Variants in DACH2 observed in about 807,000 individuals in gnomAD.
DACH2 encodes dachshund family transcription factor 2.
In DACH2, 17 loss-of-function variants were observed where a neutral mutation model predicts 35.8. The ratio of observed to expected loss-of-function variants is 0.48; its 90% CI spans 0.33 to 0.71. DACH2 has a LOEUF of 0.71. Among genes scored for constraint, DACH2 ranks in the 30% least tolerant of loss-of-function variants. DACH2 has a pLI of 0.02. For synonymous variants in DACH2, 195 were observed against 177.3 expected, an observed-to-expected ratio of 1.10 and a Z score of -0.79; for missense variants, 469 against 472.7, an observed-to-expected ratio of 0.99 and a Z score of 0.07.
At chrX:86,329,683 A>T (rs190483396) in intron 1 of DACH2, among the ~76,000 whole-genome samples, 2 of 111,815 alleles carry the variant, frequency 1.8e-5, no homozygotes, top group African/African-American at 6.5e-5. Flanking sequence ...TTTACAGAAA[A>T]ATAACTGAAG....
At chrX:86,228,212 C>T (rs766146714) in intron 1 of DACH2, among the ~76,000 whole-genome samples, 34 of 110,102 alleles carry the variant, frequency 3.1e-4, no homozygotes, top group Non-Finnish European at 5.7e-4. Context: ...TGAGAACATA[C>T]GATGTTTGGT....
At chrX:86,421,525 G>A (rs779586021) in intron 2 of DACH2, among the ~76,000 whole-genome samples, 3 of 111,420 alleles carry the variant, frequency 2.7e-5, no homozygotes, top group African/African-American at 9.7e-5. Context: ...GTTTTTGGAA[G>A]AGAACTTGGT....
intron 3 of DACH2, among the ~76,000 whole-genome samples, chrX:86,531,622 T>C (rs1420733548): frequency 8.9e-6 from 1 of 111,939 alleles, no homozygotes; most frequent in African/African-American, 3.2e-5. Flanking sequence ...TCAGAGGATG[T>C]ATGGAAATGC....
intron 3 of DACH2, among the ~76,000 whole-genome samples, chrX:86,539,937 G>A (rs1365137981): frequency 2.7e-5 from 3 of 111,130 alleles, no homozygotes; most frequent in Admixed American, 9.6e-5. Context: ...TGATCCATTC[G>A]AAAGGGGGTC....
At chrX:86,428,799 G>C (rs2036935638) in intron 2 of DACH2, among the ~76,000 whole-genome samples, 1 of 109,279 alleles carries the variant, frequency 9.2e-6, no homozygotes, top group Non-Finnish European at 1.9e-5. Context: ...ACTCTTTAAT[G>C]GCCTGGATTT....
chrX:86,809,071 G>A (rs1309261410), intron 7 of DACH2, among the ~76,000 whole-genome samples: 1 of 111,550 alleles, frequency 9.0e-6, no homozygotes, highest in Admixed American at 9.5e-5. Context: ...AAGTATGGCA[G>A]GTTTAACAAA....
At chrX:86,579,432 C>G (rs1602665958) in intron 3 of DACH2, among the ~76,000 whole-genome samples, 1 of 110,164 alleles carries the variant, frequency 9.1e-6, no homozygotes, top group Middle Eastern at 4.7e-3. Context: ...TTTGAAAGCT[C>G]TTTATACATT....
intron 1 of DACH2, among the ~76,000 whole-genome samples, chrX:86,299,787 C>G (rs143600915): frequency 4.5e-3 from 505 of 111,900 alleles, no homozygotes; most frequent in Non-Finnish European, 6.6e-3. Context: ...CATTTCTCCC[C>G]CTTTGGCCTC....
At chrX:86,178,014 A>G (rs760333328) in intron 1 of DACH2, among the ~76,000 whole-genome samples, 13 of 111,713 alleles carry the variant, frequency 1.2e-4, no homozygotes, top group Non-Finnish European at 1.7e-4. Context: ...CAAAGTACTC[A>G]TCCTTCCTGA....
At chrX:86,536,084 G>A (rs2038795180) in intron 3 of DACH2, among the ~76,000 whole-genome samples, 1 of 111,133 alleles carries the variant, frequency 9.0e-6, no homozygotes, top group African/African-American at 3.3e-5. Context: ...TTCAGGGGAA[G>A]GGGAAGGGAG....
intron 1 of DACH2, among the ~76,000 whole-genome samples, chrX:86,231,362 G>A (rs761893954): frequency 5.4e-4 from 60 of 111,330 alleles, no homozygotes; most frequent in African/African-American, 1.8e-3. Context: ...CTTTGTCTTC[G>A]GCTACCAGAG....
chrX:86,792,486 T>A (rs1414489737), intron 7 of DACH2, among the ~76,000 whole-genome samples: 1 of 111,454 alleles, frequency 9.0e-6, no homozygotes, highest in Non-Finnish European at 1.9e-5. Flanking sequence ...TATTTCATTA[T>A]ATGATTGTAC....
intron 1 of DACH2, among the ~76,000 whole-genome samples, chrX:86,358,473 AC>A: frequency 9.4e-6 from 1 of 105,948 alleles, no homozygotes; most frequent in Non-Finnish European, 1.9e-5. Context: ...ACACACACAC[AC>A]ACACACAATC....
chrX:86,425,302 A>T (rs2036874150), intron 2 of DACH2, among the ~76,000 whole-genome samples: 1 of 110,557 alleles, frequency 9.0e-6, no homozygotes, highest in Admixed American at 9.6e-5. Context: ...TGAAGCCATC[A>T]GGTCCCTGCA....
intron 3 of DACH2, among the ~76,000 whole-genome samples, chrX:86,530,614 C>T (rs1175331559): frequency 1.8e-5 from 2 of 111,981 alleles, no homozygotes; most frequent in African/African-American, 6.5e-5. Context: ...GTCAATTAAA[C>T]CTCTTTTCTT....
Position 86,594,749 on chromosome X carries a change from G to T in DACH2, c.641-56287G>T, listed in dbSNP as rs746914320. Among the ~76,000 whole-genome samples, 265 of 111,512 alleles carry T rather than the reference G, an allele frequency of 2.4e-3. 1 individual carries two copies. Among genetic ancestry groups the T allele is most frequent in the African/African-American group, 7.7e-3 (237 of 30,752 alleles). On this transcript the variant is annotated intron_variant, in intron 3 of 11. Coordinates refer to ENST00000373125, the MANE Select transcript of DACH2 (RefSeq NM_053281.3). ...TAAGTTTATAAAGAATGTGTATTTT[G>T]CTGTTATTGGATGAAAAATATATAA...
intron 7 of DACH2, among the ~76,000 whole-genome samples, chrX:86,750,465 C>A (rs2041761399): frequency 9.0e-6 from 1 of 111,142 alleles, no homozygotes; most frequent in Non-Finnish European, 1.9e-5. Flanking sequence ...TGAGACCTAC[C>A]ATCTTACACA....
At chrX:86,644,016 C>T (rs777836777) in intron 3 of DACH2, among the ~76,000 whole-genome samples, 5 of 111,060 alleles carry the variant, frequency 4.5e-5, no homozygotes, top group Non-Finnish European at 7.6e-5. Context: ...TTATACTGAA[C>T]GTGCAAAAGC....
intron 1 of DACH2, among the ~76,000 whole-genome samples, chrX:86,261,995 T>C (rs1432777365): frequency 9.0e-6 from 1 of 111,015 alleles, no homozygotes; most frequent in African/African-American, 3.3e-5. Flanking sequence ...AAATAAACAC[T>C]TGAGGCCAGG....
Sources: gnomAD v4.1 joint callset for allele counts (sites outside exome capture counted in the v4.1 genomes callset) on GRCh38, gnomAD v4.1.1 for gene constraint, MANE v1.5 for transcripts, NCBI Gene and HGNC (gene_info 2026-07-23, HGNC 2026-07-21) for gene names.